Variants in DNAJC5 observed in about 807,000 individuals in gnomAD.
DNAJC5 encodes dnaJ homolog subfamily C member 5.
In DNAJC5, 1 loss-of-function variant was observed where a neutral mutation model predicts 23.2. The ratio of observed to expected loss-of-function variants is 0.04; its 90% CI spans 0.02 to 0.20. DNAJC5 has a LOEUF of 0.20. Among genes scored for constraint, DNAJC5 ranks in the 10% least tolerant of loss-of-function variants. DNAJC5 has a pLI of 1.00. For missense variants in DNAJC5, 180 were observed against 267.0 expected (o/e 0.67, Z 2.27); for synonymous variants, 136 against 120.0 (o/e 1.13, Z -0.87).
At chr20:63,919,827 A>T in intron 1 of DNAJC5, 1 of 264,888 alleles carries the variant, frequency 3.8e-6, no homozygotes, top group East Asian at 1.9e-4. Context: ...ACATGTGCCC[A>T]GGGCCCGGGA....
chr20:63,906,941 A>G (rs990665472), intron 1 of DNAJC5, among the ~76,000 whole-genome samples: 4 of 152,162 alleles, frequency 2.6e-5, no homozygotes, highest in African/African-American at 9.6e-5. Context: ...GCCTCTACAA[A>G]AAATAAAAAA....
intron 1 of DNAJC5, among the ~76,000 whole-genome samples, chr20:63,903,783 C>T (rs149889086): frequency 2.0e-5 from 3 of 152,220 alleles, no homozygotes; most frequent in Admixed American, 6.5e-5. Flanking sequence ...AACCACGTCT[C>T]TACTAAAAAT....
At chr20:63,927,507 T>TC (rs934775437) in intron 1 of DNAJC5, among the ~76,000 whole-genome samples, 41 of 151,782 alleles carry the variant, frequency 2.7e-4, no homozygotes, top group Non-Finnish European at 6.0e-4. Flanking sequence ...GCCATTGCAC[T>TC]CCAGCCTGGG....
intron 1 of DNAJC5, chr20:63,909,040 G>A (rs143167731): frequency 2.0e-5 from 3 of 152,290 alleles, no homozygotes; most frequent in Admixed American, 6.5e-5. Context: ...GATGTGCTGA[G>A]CCCTGCGTTT....
At chr20:63,900,171 G>T (rs550588818) in intron 1 of DNAJC5, among the ~76,000 whole-genome samples, 1 of 152,154 alleles carries the variant, frequency 6.6e-6, no homozygotes, top group African/African-American at 2.4e-5. Flanking sequence ...TTATAGGCGT[G>T]AGCCACTGAG....
chr20:63,895,513 C>T (rs2053368483), intron 1 of DNAJC5, among the ~76,000 whole-genome samples, 190 bp downstream of exon 1: 1 of 145,582 alleles, frequency 6.9e-6, no homozygotes, highest in Admixed American at 6.8e-5. Context: ...GGCGGGGGCG[C>T]GGGAAGGTCG....
intron 1 of DNAJC5, among the ~76,000 whole-genome samples, chr20:63,904,696 T>C (rs546038573): frequency 1.4e-4 from 21 of 152,354 alleles, no homozygotes; most frequent in African/African-American, 4.6e-4. Flanking sequence ...CCAGAACAGC[T>C]GGCTGACTGA....
chr20:63,931,047 G>A lies in DNAJC5; in HGVS notation c.493+25G>A, dbSNP rs569407541. On this transcript the variant is annotated intron_variant, in intron 4 of 4. Transcript: ENST00000360864. This position sits in a 1 kb window ranked among gnomAD's most constrained non-coding sequence, Gnocchi z 9.6. ...GGTGAGTGCCCGCCCCAGGGCCCGT[G>A]TGTGTGTGTGGGGCAGAGCCAGAAT... is the stretch of plus-strand genomic sequence containing the variant. The A allele has an allele frequency of 1.9e-6, 3 of 1,610,272 alleles. No homozygotes were observed. The highest frequency in any genetic ancestry group is 3.3e-5 in the Admixed American group (2 of 59,976).
chr20:63,903,388 A>T (rs1337889305), intron 1 of DNAJC5, among the ~76,000 whole-genome samples: 1 of 151,840 alleles, frequency 6.6e-6, no homozygotes, highest in South Asian at 2.1e-4. Context: ...GCACACTGCA[A>T]CCTCCGCCTC....
At position 63,934,987 on chromosome 20, in the gene DNAJC5, C is replaced by T. The variant is rs1205907462; in HGVS notation, c.*3419C>T. 1.3e-5 allele frequency: 2 copies of T among 152,278 alleles called. No homozygotes were observed. Among genetic ancestry groups the T allele is most frequent in the African/African-American group, 4.8e-5 (2 of 41,438 alleles). 9.4% of individuals were successfully genotyped at this position (152,278 alleles called of 1,614,324 possible). A position where few individuals can be genotyped will look rare whatever the true frequency, so the allele number is the denominator to read the frequency against. ...AGTGCATCCTACTGTGGGGACATCT[C>T]GTGAGGGGACACGAAATGACTGATC... On this transcript the variant is annotated 3_prime_UTR_variant, in exon 5 of 5. Transcript: ENST00000360864.
At chr20:63,907,747 T>A (rs1369647105) in intron 1 of DNAJC5, among the ~76,000 whole-genome samples, 1 of 152,248 alleles carries the variant, frequency 6.6e-6, no homozygotes, top group Non-Finnish European at 1.5e-5. Flanking sequence ...TTTTACTACT[T>A]AACTACCTCT....
intron 1 of DNAJC5, among the ~76,000 whole-genome samples, chr20:63,910,077 G>A (rs776341749): frequency 2.6e-4 from 39 of 152,172 alleles, no homozygotes; most frequent in Non-Finnish European, 4.3e-4. Context: ...CTGCGGTAAC[G>A]GAAGACCACT....
intron 1 of DNAJC5, among the ~76,000 whole-genome samples, chr20:63,904,867 G>A (rs1459210856): frequency 6.6e-6 from 1 of 152,262 alleles, no homozygotes; most frequent in East Asian, 1.9e-4. Flanking sequence ...GCAACGGCGC[G>A]ATCTCGGCTC....
intron 1 of DNAJC5, among the ~76,000 whole-genome samples, chr20:63,927,225 A>G (rs1012056321): frequency 6.6e-6 from 1 of 151,874 alleles, no homozygotes. Context: ...ATGTAGAAAC[A>G]ATGTGTATTT....
chr20:63,923,269 G>A (rs2053586275), intron 1 of DNAJC5, among the ~76,000 whole-genome samples: 1 of 151,696 alleles, frequency 6.6e-6, no homozygotes, highest in African/African-American at 2.4e-5. Context: ...AAGCCAGACC[G>A]TGTCTCTATA....
intron 1 of DNAJC5, among the ~76,000 whole-genome samples, chr20:63,905,093 C>T (rs1206595614): frequency 2.7e-5 from 4 of 147,738 alleles, no homozygotes; most frequent in Non-Finnish European, 4.4e-5. Context: ...GGTGAGCCAC[C>T]GTGCCTGGCT....
intron 1 of DNAJC5, among the ~76,000 whole-genome samples, chr20:63,903,793 T>C (rs1357444948): frequency 6.6e-6 from 1 of 152,032 alleles, no homozygotes; most frequent in Non-Finnish European, 1.5e-5. Context: ...CTACTAAAAA[T>C]ACAAAAATTT....
chr20:63,925,352 G>A (rs903934650), intron 1 of DNAJC5, among the ~76,000 whole-genome samples: 3 of 152,058 alleles, frequency 2.0e-5, no homozygotes, highest in African/African-American at 7.2e-5. Context: ...GGCGTGGTTC[G>A]CGTGCCTGTA....
Position 63,931,578 on chromosome 20 carries a change from G to T in DNAJC5, c.*10G>T, listed in dbSNP as rs772027430. 12 of 1,552,536 alleles carry T rather than the reference G, an allele frequency of 7.7e-6. No homozygotes were observed. The highest frequency in any genetic ancestry group is 7.6e-5 in the Admixed American group (4 of 52,396). ...TGACGGGTTCAACTAAATCCAGGAG[G>T]AGCTGTGGTCAGAGGAGGAGCCGGC... On this transcript the variant is annotated 3_prime_UTR_variant, in exon 5 of 5. Transcript: ENST00000360864. This position sits in a 1 kb window ranked among gnomAD's most constrained non-coding sequence, Gnocchi z 9.6.
Sources: allele counts gnomAD v4.1 joint callset (sites outside exome capture counted in the v4.1 genomes callset), GRCh38; gene constraint gnomAD v4.1.1; non-coding constraint Gnocchi (gnomAD v3.1); transcripts MANE v1.5; gene names NCBI Gene and HGNC (gene_info 2026-07-23, HGNC 2026-07-21).